MATCAP2: variants seen among roughly 807,000 people sequenced by gnomAD.
MATCAP2 encodes the protein microtubule associated tyrosine carboxypeptidase 2.
At chr7:36,354,727 T>C in the MATCAP2 span, among the ~76,000 whole-genome samples, 8 of 152,380 alleles carry the variant, frequency 5.3e-5, no homozygotes, top group African/African-American at 1.7e-4. Flanking sequence ...TTAAACAGTA[T>C]ACTTGGCATT....
chr7:36,346,850 TC>T, the MATCAP2 span, among the ~76,000 whole-genome samples: 1 of 152,164 alleles, frequency 6.6e-6, no homozygotes, highest in Non-Finnish European at 1.5e-5. Context: ...AACCTCCGCC[TC>T]CCGGGTTCAA....
chr7:36,352,293 A>G, the MATCAP2 span, among the ~76,000 whole-genome samples: 2 of 149,162 alleles, frequency 1.3e-5, no homozygotes, highest in African/African-American at 4.9e-5. Context: ...GCTACTTGGG[A>G]GGACGAGGCA....
At chr7:36,351,380 A>G in the MATCAP2 span, among the ~76,000 whole-genome samples, 1 of 152,266 alleles carries the variant, frequency 6.6e-6, no homozygotes, top group East Asian at 1.9e-4. Context: ...TGGGTGACAG[A>G]GCAAGACTCT....
chr7:36,356,733 T>C, the MATCAP2 span: 220 of 641,730 alleles, frequency 3.4e-4, 1 homozygote, highest in African/African-American at 3.5e-3. Context: ...ATGGAGTTTA[T>C]ATACAGGTAA....
At chr7:36,340,840 C>T in the MATCAP2 span, among the ~76,000 whole-genome samples, 1 of 152,230 alleles carries the variant, frequency 6.6e-6, no homozygotes, top group Non-Finnish European at 1.5e-5. Flanking sequence ...TATTTTGTTA[C>T]AATGATTTCT....
chr7:36,386,157 GA>G, the MATCAP2 span, among the ~76,000 whole-genome samples: 3,279 of 142,834 alleles, frequency 0.023, 44 homozygotes, highest in Middle Eastern at 0.033. Flanking sequence ...CCTGTCTCGG[GA>G]AAAAAAAAAA....
chr7:36,336,579 T>C, the MATCAP2 span, among the ~76,000 whole-genome samples: 1 of 152,118 alleles, frequency 6.6e-6, no homozygotes, highest in African/African-American at 2.4e-5. Flanking sequence ...AGTGCTAACA[T>C]CTGATAGGCT....
the MATCAP2 span, among the ~76,000 whole-genome samples, chr7:36,365,584 C>T: frequency 6.6e-6 from 1 of 152,240 alleles, no homozygotes; most frequent in Admixed American, 6.5e-5. Context: ...TCTGTAATCC[C>T]AGCTACTCGG....
chr7:36,326,827 A>G, the MATCAP2 span: 7 of 1,614,166 alleles, frequency 4.3e-6, no homozygotes, highest in Non-Finnish European at 5.9e-6. Context: ...TAAGTGTTCC[A>G]TATATCGGCC....
the MATCAP2 span, chr7:36,390,096 A>G: frequency 6.2e-7 from 1 of 1,611,656 alleles, no homozygotes; most frequent in Middle Eastern, 2.0e-4. Context: ...CTAGGCCCCC[A>G]CCCACCTTCC....
the MATCAP2 span, among the ~76,000 whole-genome samples, chr7:36,354,629 C>T: frequency 6.6e-6 from 1 of 152,194 alleles, no homozygotes; most frequent in African/African-American, 2.4e-5. Flanking sequence ...TGTATGATAT[C>T]ATGTCATTAT....
chr7:36,363,881 A>G, the MATCAP2 span, among the ~76,000 whole-genome samples: 1 of 152,208 alleles, frequency 6.6e-6, no homozygotes, highest in Non-Finnish European at 1.5e-5. Context: ...TTAGTATCAC[A>G]TTAAATATTA....
the MATCAP2 span, among the ~76,000 whole-genome samples, chr7:36,359,742 C>T: frequency 6.6e-6 from 1 of 152,170 alleles, no homozygotes; most frequent in African/African-American, 2.4e-5. Context: ...CTCCCAGTTT[C>T]TCAGGAGTTT....
chr7:36,372,453 T>TTTC, the MATCAP2 span, among the ~76,000 whole-genome samples: 2 of 152,250 alleles, frequency 1.3e-5, no homozygotes, highest in Non-Finnish European at 2.9e-5. Flanking sequence ...GCAGCATGTC[T>TTTC]ATATTCAGGA....
chr7:36,373,079 T>G, the MATCAP2 span, among the ~76,000 whole-genome samples: 4 of 138,964 alleles, frequency 2.9e-5, no homozygotes, highest in Non-Finnish European at 6.1e-5. Flanking sequence ...CACTCCAGCC[T>G]GGGCAACAGA....
the MATCAP2 span, among the ~76,000 whole-genome samples, chr7:36,374,158 A>G: frequency 6.6e-6 from 1 of 152,076 alleles, no homozygotes; most frequent in Non-Finnish European, 1.5e-5. Context: ...AGCTCACTGC[A>G]GCCTCCACCT....
chr7:36,325,659 T>C, the MATCAP2 span: 1 of 152,144 alleles, frequency 6.6e-6, no homozygotes, highest in African/African-American at 2.4e-5. Context: ...CAGGTATATA[T>C]ATACAAGTAT....
chr7:36,337,525 G>A, the MATCAP2 span: 1 of 152,182 alleles, frequency 6.6e-6, no homozygotes, highest in Non-Finnish European at 1.5e-5. Context: ...TATAAAGTCT[G>A]TAGTTTCTGA....
At chr7:36,348,375 A>G in the MATCAP2 span, among the ~76,000 whole-genome samples, 5 of 152,228 alleles carry the variant, frequency 3.3e-5, no homozygotes, top group Non-Finnish European at 5.9e-5. Flanking sequence ...TGTAAGCACC[A>G]ATCACTGTGT....
Sources: allele counts gnomAD v4.1 joint callset (sites outside exome capture counted in the v4.1 genomes callset), GRCh38; gene constraint gnomAD v4.1.1; transcripts MANE v1.5; gene names NCBI Gene and HGNC (gene_info 2026-07-23, HGNC 2026-07-21).